The following SDK2 variants were observed in gnomAD, a reference collection of about 807,000 sequenced individuals.
SDK2 encodes sidekick cell adhesion molecule 2.
A neutral mutation model predicts 253.9 loss-of-function variants in SDK2; 105 were observed. The ratio of observed to expected loss-of-function variants is 0.41; its 90% CI spans 0.35 to 0.49. The LOEUF (loss-of-function observed/expected upper bound fraction) is 0.49, where lower values mean the gene tolerates loss of function less well. Among genes scored for constraint, SDK2 ranks in the 20% least tolerant of loss-of-function variants. The pLI is 0.06. For missense variants in SDK2, 2,608 were observed against 3,003.0 expected (o/e 0.87, Z 3.07); for synonymous variants, 1,249 against 1,234.9 (o/e 1.01, Z -0.24).
At chr17:73,473,020 A>G (rs2063663171) in intron 2 of SDK2, among the ~76,000 whole-genome samples, 1 of 152,186 alleles carries the variant, frequency 6.6e-6, no homozygotes, top group African/African-American at 2.4e-5. Context: ...AGTCTCAGGT[A>G]TGTCTTTATC....
rs139053540 is a variant in SDK2, at chr17:73,499,286, G to A, written c.224+8152C>T. Among the ~76,000 whole-genome samples the A allele has an allele frequency of 2.2e-4, 34 of 152,360 alleles. No homozygotes were observed. In the East Asian group the frequency reaches 4.8e-3, roughly 22 times the overall value. ...TGCTTTTGTGTCCCTTGCTGGGGCC[G>A]TCACATGTGCAGGGCTTCTCTGCCT... On this transcript the variant is annotated intron_variant, in intron 2 of 44. Transcript: ENST00000392650.
chr17:73,378,027 T>G (rs1190856006), intron 36 of SDK2, among the ~76,000 whole-genome samples: 2 of 152,112 alleles, frequency 1.3e-5, no homozygotes, highest in Non-Finnish European at 2.9e-5. Context: ...GATTCAAGAG[T>G]TCCAAAGGGC....
chr17:73,543,660 G>T (rs1028648654), intron 1 of SDK2, among the ~76,000 whole-genome samples: 8 of 152,254 alleles, frequency 5.3e-5, no homozygotes, highest in African/African-American at 9.6e-5. Flanking sequence ...CACTGGCCCA[G>T]GTTGGTGCAT....
intron 5 of SDK2, among the ~76,000 whole-genome samples, chr17:73,446,411 A>G (rs1335346780): frequency 6.6e-6 from 1 of 152,146 alleles, no homozygotes; most frequent in East Asian, 1.9e-4. Flanking sequence ...GTCAGTCTCC[A>G]GAATGAAACT....
At position 73,390,499 on chromosome 17, in the gene SDK2, A is replaced by G. The variant is rs762969140; in HGVS notation, c.3998-18T>C. The G allele has an allele frequency of 2.5e-6, 4 of 1,595,972 alleles. No homozygotes were observed. Among genetic ancestry groups the G allele is most frequent in the Admixed American group, 1.7e-5 (1 of 58,286 alleles). ...CTGGTAAGCTGTGGGAAGGAAGCAC[A>G]TGGCTATTATGGCAAGCAAGGCAAG... On this transcript the variant is annotated intron_variant, in intron 28 of 44. Coordinates refer to ENST00000392650, the MANE Select transcript of SDK2 (RefSeq NM_001144952.2).
chr17:73,380,608 C>A lies in SDK2; in HGVS notation c.4762+286G>T, dbSNP rs567063772. On this transcript the variant is annotated intron_variant, in intron 34 of 44. Coordinates refer to ENST00000392650, the MANE Select transcript of SDK2 (RefSeq NM_001144952.2). ...CAGCAGCGTCCAACAGCTTCTGCTG[C>A]GGCCCCGCTGTCACTGTCCCCCGAC... is the stretch of plus-strand genomic sequence containing the variant. Among the ~76,000 whole-genome samples, 319 of 152,268 alleles carry A rather than the reference C, an allele frequency of 2.1e-3. 2 individuals are homozygous for A. The highest frequency in any genetic ancestry group is 7.4e-3 in the African/African-American group (308 of 41,568).
At chr17:73,566,262 A>G (rs1023750744) in intron 1 of SDK2, among the ~76,000 whole-genome samples, 1 of 151,990 alleles carries the variant, frequency 6.6e-6, no homozygotes, top group Non-Finnish European at 1.5e-5. Context: ...AGGTGCCAAC[A>G]CTATGCTTCT....
chr17:73,357,663 A>G (rs1210637936), intron 40 of SDK2: 1 of 311,996 alleles, frequency 3.2e-6, no homozygotes, highest in African/African-American at 2.3e-5. Flanking sequence ...GGCTGGTACG[A>G]TTATAGCAGC....
chr17:73,535,618 T>C (rs2044759916), intron 1 of SDK2, among the ~76,000 whole-genome samples: 1 of 152,236 alleles, frequency 6.6e-6, no homozygotes, highest in Non-Finnish European at 1.5e-5. Flanking sequence ...CCAATTTCCC[T>C]GGTGTAAATG....
At chr17:73,583,901 C>A (rs746013254) in intron 1 of SDK2, among the ~76,000 whole-genome samples, 4 of 152,230 alleles carry the variant, frequency 2.6e-5, no homozygotes, top group Non-Finnish European at 5.9e-5. Flanking sequence ...GTTTCCTCAA[C>A]TGTCAAATCC....
In SDK2 at chr17:73,398,329, G is replaced by A. The variant is rs768160250; in HGVS notation, c.3194C>T (p.Thr1065Ile). Residue 1065 changes from threonine (T) to isoleucine (I), a missense_variant, in exon 23 of 45, where the codon ACC (threonine) becomes ATC (isoleucine). Physicochemically the swap from Thr to Ile is moderately conservative, Grantham distance 89 (BLOSUM62 -1). Coordinates refer to ENST00000392650, the MANE Select transcript of SDK2 (RefSeq NM_001144952.2). ...GGGCCAGTCTCATTACCTGTAGCAG[G>A]TGAAGGGGTTGAGGTCGGGCACCTC... is the stretch of plus-strand genomic sequence containing the variant. ...SMEVPDLNPF[T>I]CYSFRMRQVN... The A allele has an allele frequency of 1.9e-6, 3 of 1,613,858 alleles. No individual in the cohort carries two copies. Among genetic ancestry groups the A allele is most frequent in the Non-Finnish European group, 2.5e-6 (3 of 1,179,842 alleles).
chr17:73,512,001 C>G (rs2063984761), intron 1 of SDK2, among the ~76,000 whole-genome samples: 2 of 152,054 alleles, frequency 1.3e-5, no homozygotes, highest in South Asian at 2.1e-4. Flanking sequence ...CAGTGCACAT[C>G]TGTGTGTGCA....
At chr17:73,375,591 G>C (rs2062771449) in intron 36 of SDK2, among the ~76,000 whole-genome samples, 2 of 151,618 alleles carry the variant, frequency 1.3e-5, no homozygotes, top group Non-Finnish European at 1.5e-5. Context: ...GGGCACAGTG[G>C]CTCACGCCTG....
rs2062388422 is a variant in SDK2, at chr17:73,337,319, C to T, written c.*1268G>A. 6.6e-6 allele frequency: 1 copy of T among 152,344 alleles called. No individual in the cohort carries two copies. The highest frequency in any genetic ancestry group is 1.5e-5 in the Non-Finnish European group (1 of 68,152). 9.4% of individuals were successfully genotyped at this position (152,344 alleles called of 1,614,324 possible). A position where few individuals can be genotyped will look rare whatever the true frequency, so the allele number is the denominator to read the frequency against. On this transcript the variant is annotated 3_prime_UTR_variant, in exon 45 of 45. Transcript: ENST00000392650. The stretch of plus-strand genomic sequence containing the variant: ...CTGACTGAGCAAACTCTGGGTATTC[C>T]AGCCTCTGGACCAGGGACTTGGGCC...
chr17:73,498,218 C>T (rs938809021), intron 2 of SDK2, among the ~76,000 whole-genome samples: 1 of 152,180 alleles, frequency 6.6e-6, no homozygotes, highest in Non-Finnish European at 1.5e-5. Context: ...TCTCCTGACA[C>T]GAGCACCTCC....
chr17:73,561,652 G>A (rs58903868), intron 1 of SDK2, among the ~76,000 whole-genome samples: 2,800 of 152,300 alleles, frequency 0.018, 102 homozygotes, highest in African/African-American at 0.064. Context: ...ACACGCCTAG[G>A]CCAGGAACAA....
intron 1 of SDK2, chr17:73,518,388 G>A (rs8064680): frequency 0.43 from 65,597 of 152,082 alleles, 15,709 homozygotes; most frequent in African/African-American, 0.66. Flanking sequence ...CCTATGGAAA[G>A]GGGTAAGTGC....
chr17:73,580,670 T>C (rs952265871), intron 1 of SDK2, among the ~76,000 whole-genome samples: 2 of 152,262 alleles, frequency 1.3e-5, no homozygotes, highest in Admixed American at 1.3e-4. Context: ...GGCACATATG[T>C]GTAAGCGGAG....
chr17:73,363,950 G>A (rs1314339081), intron 38 of SDK2, among the ~76,000 whole-genome samples: 1 of 152,092 alleles, frequency 6.6e-6, no homozygotes, highest in Non-Finnish European at 1.5e-5. Flanking sequence ...TGGCACCCAG[G>A]TGGTAGCAGG....
Sources: allele counts gnomAD v4.1 joint callset (sites outside exome capture counted in the v4.1 genomes callset), GRCh38; gene constraint gnomAD v4.1.1; transcripts MANE v1.5; gene names NCBI Gene and HGNC (gene_info 2026-07-23, HGNC 2026-07-21).